FAM171B: variants seen among roughly 807,000 people sequenced by gnomAD.
The protein encoded by FAM171B is family with sequence similarity 171 member B.
A neutral mutation model predicts 75.6 loss-of-function variants in FAM171B; 19 were observed. That is an observed-to-expected ratio of 0.25 (90% CI 0.18 to 0.37). The LOEUF is 0.37. FAM171B is among the 10% of genes least tolerant of loss of function. FAM171B has a pLI of 1.00. For synonymous variants in FAM171B, 367 were observed against 361.7 expected (o/e 1.01, Z -0.17); for missense variants, 848 against 982.4 (o/e 0.86, Z 1.83).
At chr2:186,702,070 T>A (rs1400430362) in intron 1 of FAM171B, among the ~76,000 whole-genome samples, 1 of 152,218 alleles carries the variant, frequency 6.6e-6, no homozygotes, top group African/African-American at 2.4e-5. Context: ...AAGCTATGTG[T>A]GGTCATGAAA....
At chr2:186,745,898 A>G (rs1295938113) in intron 3 of FAM171B, among the ~76,000 whole-genome samples, 1 of 152,242 alleles carries the variant, frequency 6.6e-6, no homozygotes, top group South Asian at 2.1e-4. Context: ...CAAACAGCAT[A>G]TAATTATGTT....
rs1221918011 is a variant in FAM171B at position 186,764,152 on chromosome 2, A to C, written c.*1329A>C. ...TTTTCTTAAAATTTCCCTGAAGGCA[A>C]ATGTCTGAAGCACCTTTCCCTTGTG... On this transcript the variant is annotated 3_prime_UTR_variant, in exon 8 of 8. Coordinates refer to ENST00000304698, the MANE Select transcript of FAM171B (RefSeq NM_177454.4). The C allele has an allele frequency of 6.6e-6, 1 of 152,054 alleles. No individual in the cohort carries two copies. Among genetic ancestry groups the C allele is most frequent in the Non-Finnish European group, 1.5e-5 (1 of 67,962 alleles). The allele number at this position is 152,054 out of a possible 1,614,324, so 9.4% of individuals were successfully genotyped here.
intron 6 of FAM171B, among the ~76,000 whole-genome samples, chr2:186,760,776 C>T (rs545496332): frequency 7.1e-4 from 108 of 152,064 alleles, no homozygotes; most frequent in African/African-American, 2.5e-3. Context: ...GACTTGGCTT[C>T]ATTCAGTTCA....
Position 186,751,267 on chromosome 2 carries a change from G to A in FAM171B, c.858G>A (p.Gly286=), listed in dbSNP as rs147519615. Residue 286 remains glycine (G), a synonymous_variant, in exon 5 of 8, where the codon GGG becomes GGA. Coordinates refer to ENST00000304698, the MANE Select transcript of FAM171B (RefSeq NM_177454.4). ...PLLRLNDISA[G]DRIPAWTFDM... is the part of the protein sequence containing the mutation. ...TACGTCTGAATGATATAAGTGCAGG[G>A]GATCGCATACCTGCTTGGACATTTG... 293 of 1,604,664 alleles carry A rather than the reference G, an allele frequency of 1.8e-4. No homozygotes were observed. The highest frequency in any genetic ancestry group is 2.2e-4 in the Non-Finnish European group (263 of 1,174,016).
chr2:186,716,538 A>G (rs1303262203), intron 1 of FAM171B, among the ~76,000 whole-genome samples: 1 of 152,168 alleles, frequency 6.6e-6, no homozygotes, highest in African/African-American at 2.4e-5. Flanking sequence ...GCATCTCATT[A>G]ACTTACTATG....
chr2:186,743,380 C>CA, intron 2 of FAM171B, 103 bp from the exon 3 acceptor site: 4 of 696,288 alleles, frequency 5.7e-6, no homozygotes, highest in Non-Finnish European at 9.9e-6. Context: ...TTTGTTCCCC[C>CA]CCACAACACA....
rs1352434354 is a variant in FAM171B at position 186,763,925 on chromosome 2, A to C, written c.*1102A>C. On this transcript the variant is annotated 3_prime_UTR_variant, in exon 8 of 8. Transcript: ENST00000304698. ...AAAGATGTGTAAGGAAAACAGTTTC[A>C]ATTTCAGGGGAAAAGTAAAAGTTTT... is the stretch of plus-strand genomic sequence containing the variant. 1 of 152,114 alleles carries C rather than the reference A, an allele frequency of 6.6e-6. No individual in the cohort carries two copies. The highest frequency in any genetic ancestry group is 1.5e-5 in the Non-Finnish European group (1 of 67,980). The allele number at this position is 152,114 out of a possible 1,614,324, so 9.4% of individuals were successfully genotyped here. A position where few individuals can be genotyped will look rare whatever the true frequency, so the allele number is the denominator to read the frequency against.
chr2:186,723,587 T>A (rs1689986506), intron 1 of FAM171B, among the ~76,000 whole-genome samples: 2 of 152,236 alleles, frequency 1.3e-5, no homozygotes, highest in African/African-American at 4.8e-5. Context: ...CTTCATATGT[T>A]TGTTTTTCTA....
At chr2:186,710,997 A>G (rs1374441808) in intron 1 of FAM171B, among the ~76,000 whole-genome samples, 1 of 152,118 alleles carries the variant, frequency 6.6e-6, no homozygotes, top group Non-Finnish European at 1.5e-5. Flanking sequence ...GATCTGGATA[A>G]TTTTCAGTGT....
intron 1 of FAM171B, among the ~76,000 whole-genome samples, chr2:186,707,433 T>A (rs1309862634): frequency 6.6e-6 from 1 of 152,218 alleles, no homozygotes; most frequent in Admixed American, 6.5e-5. Context: ...TATTAGCACA[T>A]CAACCGGCCT....
intron 1 of FAM171B, among the ~76,000 whole-genome samples, chr2:186,732,059 A>G (rs917493359): frequency 2.6e-5 from 4 of 152,226 alleles, no homozygotes; most frequent in Non-Finnish European, 5.9e-5. Context: ...AATGCATTTG[A>G]ATCATCCTGA....
At chr2:186,755,308 G>A (rs1344116137) in intron 6 of FAM171B, among the ~76,000 whole-genome samples, 1 of 152,106 alleles carries the variant, frequency 6.6e-6, no homozygotes, top group East Asian at 1.9e-4. Context: ...AATTATGATA[G>A]CTTATTTTCC....
intron 5 of FAM171B, among the ~76,000 whole-genome samples, chr2:186,751,919 C>T (rs1375447): frequency 6.6e-6 from 1 of 152,068 alleles, no homozygotes; most frequent in Non-Finnish European, 1.5e-5. Flanking sequence ...GAAAAGTTTA[C>T]AGGTAGGACT....
intron 1 of FAM171B, among the ~76,000 whole-genome samples, chr2:186,735,484 A>G (rs896763042): frequency 2.0e-5 from 3 of 148,340 alleles, no homozygotes; most frequent in Non-Finnish European, 4.5e-5. Context: ...AATGGCTGGC[A>G]ATCTACACCT....
At chr2:186,717,424 T>G (rs1445265939) in intron 1 of FAM171B, among the ~76,000 whole-genome samples, 1 of 152,168 alleles carries the variant, frequency 6.6e-6, no homozygotes, top group African/African-American at 2.4e-5. Context: ...TGTTCTGGTA[T>G]TAAGAGGAGA....
In FAM171B at chr2:186,765,108, A is replaced by G. The variant is rs1161638577; in HGVS notation, c.*2285A>G. On this transcript the variant is annotated 3_prime_UTR_variant, in exon 8 of 8. Coordinates refer to ENST00000304698, the MANE Select transcript of FAM171B (RefSeq NM_177454.4). ...TATAGGCAATTTATCTTTTCTAATG[A>G]TCAAAAGAGTGTGACTTCTCATTTG... is the stretch of plus-strand genomic sequence containing the variant. The G allele has an allele frequency of 6.6e-6, 1 of 152,030 alleles. No individual in the cohort carries two copies. Among genetic ancestry groups the G allele is most frequent in the East Asian group, 1.9e-4 (1 of 5,188 alleles). The allele number at this position is 152,030 out of a possible 1,614,324, so 9.4% of individuals were successfully genotyped here.
intron 1 of FAM171B, among the ~76,000 whole-genome samples, chr2:186,706,921 AAT>A (rs1559081387): frequency 6.6e-6 from 1 of 152,098 alleles, no homozygotes; most frequent in Admixed American, 6.6e-5. Context: ...ATTTGAAACT[AAT>A]ATACAGATCA....
chr2:186,699,588 C>G (rs780743880), intron 1 of FAM171B, among the ~76,000 whole-genome samples: 18 of 152,142 alleles, frequency 1.2e-4, no homozygotes, highest in Non-Finnish European at 2.2e-4. Flanking sequence ...TATCTCTTCA[C>G]TTTGTTGATT....
At position 186,730,835 on chromosome 2, in the gene FAM171B, G is replaced by T. The variant is rs200889758; in HGVS notation, c.239-9393G>T. Reference sequence around the variant, plus strand: ...AAGGATGAAACAGATGGAATATGCAGTTTTTTTTTTCTTTTGCGAATTTAG... The same window carrying T: ...AAGGATGAAACAGATGGAATATGCATTTTTTTTTTTCTTTTGCGAATTTAG... On this transcript the variant is annotated intron_variant, in intron 1 of 7. Coordinates refer to ENST00000304698, the MANE Select transcript of FAM171B (RefSeq NM_177454.4). 4.0e-5 allele frequency among the ~76,000 whole-genome samples: 6 copies of T among 149,672 alleles called. No homozygotes were observed. In the East Asian group the frequency reaches 9.7e-4, roughly 24 times the overall value.
Sources: gnomAD v4.1 joint callset for allele counts (sites outside exome capture counted in the v4.1 genomes callset) on GRCh38, gnomAD v4.1.1 for gene constraint, MANE v1.5 for transcripts, NCBI Gene and HGNC (gene_info 2026-07-23, HGNC 2026-07-21) for gene names.